The following CUL3 variants were observed in gnomAD, a reference collection of about 807,000 sequenced individuals.
CUL3 encodes cullin-3.
A neutral mutation model predicts 89.1 loss-of-function variants in CUL3; 19 were observed. The observed-to-expected ratio is 0.21, with a 90% CI of 0.15 to 0.31. The LOEUF is 0.31. Ranked by LOEUF, CUL3 falls within the 10% of genes least tolerant of loss-of-function variation. CUL3 has a pLI of 1.00. For missense variants in CUL3, 469 were observed against 942.3 expected (o/e 0.50, Z 6.58); for synonymous variants, 351 against 308.4 (o/e 1.14, Z -1.45).
intron 3 of CUL3, among the ~76,000 whole-genome samples, chr2:224,531,190 C>G (rs1297430044): frequency 6.6e-6 from 1 of 150,556 alleles, no homozygotes; most frequent in African/African-American, 2.4e-5. Context: ...CAAGTTCAAG[C>G]AATTCTCCTG....
chr2:224,516,789 G>C (rs1693070201), intron 3 of CUL3, among the ~76,000 whole-genome samples: 1 of 151,784 alleles, frequency 6.6e-6, no homozygotes, highest in Non-Finnish European at 1.5e-5. Flanking sequence ...TGGGATTACA[G>C]GCACCCGCCA....
intron 2 of CUL3, among the ~76,000 whole-genome samples, chr2:224,540,350 C>T (rs1267380068): frequency 6.6e-6 from 1 of 151,550 alleles, no homozygotes; most frequent in Non-Finnish European, 1.5e-5. Flanking sequence ...TCCAGCCTCT[C>T]CACTGAATTT....
At chr2:224,492,600 A>G (rs574313626) in intron 13 of CUL3, among the ~76,000 whole-genome samples, 10 of 152,334 alleles carry the variant, frequency 6.6e-5, no homozygotes, top group South Asian at 2.1e-4. Flanking sequence ...TCCTATTTTT[A>G]GCTGTTCTAA....
intron 12 of CUL3, among the ~76,000 whole-genome samples, chr2:224,497,184 T>C (rs547126988): frequency 2.6e-5 from 4 of 152,238 alleles, no homozygotes; most frequent in Admixed American, 2.6e-4. Flanking sequence ...TAATATTTTC[T>C]GAAGGCAAAA....
intron 8 of CUL3, chr2:224,504,080 C>T (rs1250665881): frequency 3.2e-6 from 1 of 308,694 alleles, no homozygotes; most frequent in Admixed American, 4.6e-5. Context: ...GAATTGGAGG[C>T]ATAAGGTAAT....
chr2:224,516,135 T>C (rs1693033094), intron 3 of CUL3, among the ~76,000 whole-genome samples: 1 of 152,158 alleles, frequency 6.6e-6, no homozygotes, highest in South Asian at 2.1e-4. Context: ...TCTTCAGTGC[T>C]CACATTTCTA....
intron 2 of CUL3, among the ~76,000 whole-genome samples, chr2:224,555,361 G>C (rs747755543): frequency 7.2e-5 from 11 of 151,972 alleles, no homozygotes; most frequent in Non-Finnish European, 1.6e-4. Context: ...TTCATTTCTA[G>C]CCTATCACTT....
At position 224,509,728 on chromosome 2, in the gene CUL3, C is replaced by T. The variant is rs553896926; in HGVS notation, c.883+1626G>A. ...GCTGTAATTCAGGTATGCCCAACAA[C>T]CTCTCCATCAAACATTTCCTATCCC... is the stretch of plus-strand genomic sequence containing the variant. On this transcript the variant is annotated intron_variant, in intron 6 of 15. Coordinates refer to ENST00000264414, the MANE Select transcript of CUL3 (RefSeq NM_003590.5). 2.0e-4 allele frequency among the ~76,000 whole-genome samples: 31 copies of T among 152,316 alleles called. No homozygotes were observed. The South Asian group carries it at 3.7e-3, about 18-fold the overall frequency.
chr2:224,494,268 A>C (rs1360179947), intron 13 of CUL3, among the ~76,000 whole-genome samples: 2 of 152,180 alleles, frequency 1.3e-5, no homozygotes. Flanking sequence ...TTTTCAATTA[A>C]GTACAAATAT....
chr2:224,527,237 T>A (rs771924263), intron 3 of CUL3, among the ~76,000 whole-genome samples: 14 of 152,250 alleles, frequency 9.2e-5, no homozygotes, highest in Non-Finnish European at 1.9e-4. Context: ...AGGAAAATTC[T>A]TAATCTATCT....
chr2:224,496,859 ATTAT>A (rs1203425872), intron 12 of CUL3, among the ~76,000 whole-genome samples: 4 of 152,122 alleles, frequency 2.6e-5, no homozygotes, highest in Non-Finnish European at 4.4e-5. Context: ...AAAGAACATG[ATTAT>A]TTAGGGAAAA....
At chr2:224,492,670 A>G (rs531839035) in intron 13 of CUL3, among the ~76,000 whole-genome samples, 7 of 152,204 alleles carry the variant, frequency 4.6e-5, no homozygotes, top group Non-Finnish European at 1.0e-4. Flanking sequence ...CCTCAGCAGC[A>G]GCCTGACTAC....
rs1353397154 is a variant in CUL3, at chr2:224,585,232, G to C, written c.-223C>G. ...TCTGGCGACTCCGATGCGGCTGGGG[G>C]GCTGCGCTGGCGCGGCGGCTCCGCG... On this transcript the variant is annotated 5_prime_UTR_variant, in exon 1 of 16. Transcript: ENST00000264414. 2.6e-6 allele frequency: 1 copy of C among 389,246 alleles called. No individual in the cohort carries two copies. Among genetic ancestry groups the C allele is most frequent in the Non-Finnish European group, 4.5e-6 (1 of 222,600 alleles). The allele number at this position is 389,246 out of a possible 1,614,324, so 24.1% of individuals were successfully genotyped here. A position where few individuals can be genotyped will look rare whatever the true frequency, so the allele number is the denominator to read the frequency against.
intron 6 of CUL3, among the ~76,000 whole-genome samples, chr2:224,507,234 C>T (rs41445949): frequency 0.02 from 3,107 of 152,164 alleles, 41 homozygotes; most frequent in Non-Finnish European, 0.033. Flanking sequence ...GCTTTGAAAC[C>T]ATCAATTAAA....
In CUL3 at chr2:224,508,666, TA is replaced by T. The variant is rs535468853; in HGVS notation, c.884-1664del. The stretch of plus-strand genomic sequence containing the variant: ...TTATTTCTACATACACTTAATAAAA[TA>T]ATAAGATACTGGCGAGACACGGTGG... On this transcript the variant is annotated intron_variant, in intron 6 of 15. Transcript: ENST00000264414. Among the ~76,000 whole-genome samples the T allele has an allele frequency of 1.2e-4, 19 of 152,284 alleles. No individual in the cohort carries two copies. The East Asian group carries it at 3.5e-3, about 28-fold the overall frequency.
chr2:224,508,542 T>A (rs374638702), intron 6 of CUL3, among the ~76,000 whole-genome samples: 2 of 152,218 alleles, frequency 1.3e-5, no homozygotes, highest in South Asian at 4.1e-4. Context: ...GTGTATTTAG[T>A]TGTACATAAA....
At chr2:224,483,689 T>C (rs1691613594) in intron 13 of CUL3, among the ~76,000 whole-genome samples, 1 of 152,136 alleles carries the variant, frequency 6.6e-6, no homozygotes, top group Admixed American at 6.5e-5. Flanking sequence ...AACATGAATT[T>C]TTCTATTAAT....
chr2:224,577,818 C>T (rs1235634976), intron 1 of CUL3, among the ~76,000 whole-genome samples: 1 of 152,094 alleles, frequency 6.6e-6, no homozygotes, highest in Non-Finnish European at 1.5e-5. Context: ...ATTAAACATA[C>T]ATTATGCTGG....
chr2:224,477,638 A>C (rs116895008), intron 15 of CUL3, among the ~76,000 whole-genome samples: 1 of 152,304 alleles, frequency 6.6e-6, no homozygotes, highest in East Asian at 1.9e-4. Flanking sequence ...TGGTTAAAGA[A>C]ACAAACCTCT....
Sources: allele counts gnomAD v4.1 joint callset (sites outside exome capture counted in the v4.1 genomes callset), GRCh38; gene constraint gnomAD v4.1.1; transcripts MANE v1.5; gene names NCBI Gene and HGNC (gene_info 2026-07-23, HGNC 2026-07-21).